IGF1: variants seen among roughly 807,000 people sequenced by gnomAD.
The protein encoded by IGF1 is insulin like growth factor 1.
A neutral mutation model predicts 13.8 loss-of-function variants in IGF1; 4 were observed. The observed-to-expected ratio is 0.29, with a 90% confidence interval of 0.14 to 0.66. The LOEUF (loss-of-function observed/expected upper bound fraction) is 0.66. IGF1 is among the 30% of genes least tolerant of loss of function. The pLI is 0.78. For missense variants in IGF1, 124 were observed against 188.5 expected (o/e 0.66, Z 2.00); for synonymous variants, 76 against 72.6 (o/e 1.05, Z -0.23).
At chr12:102,424,895 A>C (rs1419316206) in intron 2 of IGF1, among the ~76,000 whole-genome samples, 2 of 152,154 alleles carry the variant, frequency 1.3e-5, no homozygotes, top group African/African-American at 4.8e-5. Context: ...TTGCCTTTAA[A>C]TTTTTGTCTA....
chr12:102,425,440 A>G (rs1876116417), intron 2 of IGF1, among the ~76,000 whole-genome samples: 1 of 151,956 alleles, frequency 6.6e-6, no homozygotes, highest in South Asian at 2.1e-4. Context: ...ACCTGCCCCC[A>G]CCCTCACTAC....
chr12:102,418,951 A>G (rs1052475058), intron 3 of IGF1, among the ~76,000 whole-genome samples: 2 of 152,250 alleles, frequency 1.3e-5, no homozygotes, highest in Admixed American at 1.3e-4. Flanking sequence ...AATTTTGAAT[A>G]GTTCCCATTA....
At chr12:102,477,486 A>G (rs1320931171) in intron 1 of IGF1, among the ~76,000 whole-genome samples, 2 of 151,566 alleles carry the variant, frequency 1.3e-5, no homozygotes, top group Non-Finnish European at 2.9e-5. Context: ...CACCCCCTAC[A>G]TAGCCCAAAA....
intron 2 of IGF1, among the ~76,000 whole-genome samples, chr12:102,457,385 A>G (rs1398531456): frequency 6.6e-6 from 1 of 152,224 alleles, no homozygotes; most frequent in Non-Finnish European, 1.5e-5. Context: ...TCATGACTCC[A>G]GGTAGAATTT....
At chr12:102,445,755 A>G (rs187363256) in intron 2 of IGF1, among the ~76,000 whole-genome samples, 2 of 152,272 alleles carry the variant, frequency 1.3e-5, no homozygotes, top group East Asian at 3.9e-4. Flanking sequence ...CCTGGCCAGA[A>G]CTTCCAATGC....
chr12:102,466,970 G>T (rs889928165), intron 2 of IGF1, among the ~76,000 whole-genome samples: 9 of 152,114 alleles, frequency 5.9e-5, no homozygotes, highest in African/African-American at 2.2e-4. Flanking sequence ...TTGGGGATAG[G>T]TTCAGCAAGG....
chr12:102,447,230 G>A (rs1209424168), intron 2 of IGF1, among the ~76,000 whole-genome samples: 2 of 152,190 alleles, frequency 1.3e-5, no homozygotes, highest in Non-Finnish European at 2.9e-5. Flanking sequence ...TTCTGTAGAT[G>A]TCTATCAGGT....
intron 2 of IGF1, among the ~76,000 whole-genome samples, chr12:102,425,223 T>C (rs1207861748): frequency 4.6e-5 from 7 of 152,236 alleles, no homozygotes; most frequent in African/African-American, 2.4e-5. Flanking sequence ...CCAAGTAAGA[T>C]TGACCTTTGG....
chr12:102,448,963 G>A (rs761320362), intron 2 of IGF1, among the ~76,000 whole-genome samples: 1 of 152,202 alleles, frequency 6.6e-6, no homozygotes, highest in Non-Finnish European at 1.5e-5. Context: ...GTGTAAATTA[G>A]TTCAACCATT....
rs1004520744 is a variant in IGF1, at chr12:102,395,922, C to G, written c.*6585G>C. 2 of 151,962 alleles carry G rather than the reference C, an allele frequency of 1.3e-5. No homozygotes were observed. The highest frequency in any genetic ancestry group is 4.8e-5 in the African/African-American group (2 of 41,396). 9.4% of individuals were successfully genotyped at this position (151,962 alleles called of 1,614,324 possible). Reference sequence around the variant, plus strand: ...ATGTAATTACTAAAGAAAGATATACCATTTTATTATGACACTCTAGCCATA... The same window carrying G: ...ATGTAATTACTAAAGAAAGATATACGATTTTATTATGACACTCTAGCCATA... On this transcript the variant is annotated 3_prime_UTR_variant, in exon 4 of 4. Transcript: ENST00000337514.
chr12:102,405,139 G>A lies in IGF1; in HGVS notation c.403-2573C>T, dbSNP rs151306115. ...GTCTCACTCTGTCACCCAGGCTGGA[G>A]TGCAGTGGTGTGATCTAGGCTCACT... On this transcript the variant is annotated intron_variant, in intron 3 of 3. Transcript: ENST00000337514. Among the ~76,000 whole-genome samples the A allele has an allele frequency of 8.5e-3, 1,281 of 151,468 alleles. 19 individuals are homozygous for A. Among genetic ancestry groups the A allele is most frequent in the African/African-American group, 0.029 (1,220 of 41,364 alleles).
chr12:102,405,919 TAGAG>T (rs1398116530), intron 3 of IGF1, among the ~76,000 whole-genome samples: 4 of 152,346 alleles, frequency 2.6e-5, no homozygotes, highest in African/African-American at 9.6e-5. Context: ...TTGTCTCCAA[TAGAG>T]AGATTCTTTT....
rs1283073711 is a variant in IGF1, at chr12:102,396,862, T to A, written c.*5645A>T. ...GACCCCATCAAAGATAGTTGAAGAA[T>A]GAGGAGAGAAGGATCATGTTTAAGA... is the stretch of plus-strand genomic sequence containing the variant. On this transcript the variant is annotated 3_prime_UTR_variant, in exon 4 of 4. Transcript: ENST00000337514. The A allele has an allele frequency of 2.5e-6, 1 of 397,718 alleles. No homozygotes were observed. The highest frequency in any genetic ancestry group is 4.4e-6 in the Non-Finnish European group (1 of 225,866). The allele number at this position is 397,718 out of a possible 1,614,324, so 24.6% of individuals were successfully genotyped here.
chr12:102,474,236 A>G lies in IGF1; in HGVS notation c.220+1407T>C, dbSNP rs149942972. The stretch of plus-strand genomic sequence containing the variant: ...TCTGCTATTGGAAAATCACTCACCC[A>G]ATGCACTCATTCATCTGCTCTGCAA... On this transcript the variant is annotated intron_variant, in intron 2 of 3. Transcript: ENST00000337514. Among the ~76,000 whole-genome samples the G allele has an allele frequency of 1.1e-3, 161 of 152,316 alleles. 1 individual carries two copies. In the East Asian group the frequency reaches 0.029, roughly 28 times the overall value.
At chr12:102,443,852 TCTCA>T (rs1274180539) in intron 2 of IGF1, among the ~76,000 whole-genome samples, 2 of 152,008 alleles carry the variant, frequency 1.3e-5, no homozygotes, top group African/African-American at 4.8e-5. Context: ...TGAGACAGCG[TCTCA>T]CTCTGTCACC....
At position 102,400,556 on chromosome 12, in the gene IGF1, TA is replaced by T. The variant is rs1330224510; in HGVS notation, c.*1950del. Reference sequence around the variant, plus strand: ...AGTCAAGCATATTTTAACAAACTTTTAAAAAAATGTATATACAGCTAAGAAT... The same window carrying T: ...AGTCAAGCATATTTTAACAAACTTTTAAAAAATGTATATACAGCTAAGAAT... On this transcript the variant is annotated 3_prime_UTR_variant, in exon 4 of 4. Transcript: ENST00000337514. The T allele has an allele frequency of 1.3e-5, 2 of 152,248 alleles. No homozygotes were observed. The highest frequency in any genetic ancestry group is 2.4e-5 in the African/African-American group (1 of 41,560). The allele number at this position is 152,248 out of a possible 1,614,324, so 9.4% of individuals were successfully genotyped here.
chr12:102,415,155 T>C (rs1874974613), intron 3 of IGF1, among the ~76,000 whole-genome samples: 1 of 152,170 alleles, frequency 6.6e-6, no homozygotes, highest in Non-Finnish European at 1.5e-5. Context: ...TGTAGGAGAA[T>C]AGGAATCATT....
chr12:102,456,997 A>G (rs960431766), intron 2 of IGF1, among the ~76,000 whole-genome samples: 3 of 152,088 alleles, frequency 2.0e-5, no homozygotes, highest in Non-Finnish European at 4.4e-5. Flanking sequence ...TCCTGGTACT[A>G]AAAAAACTGC....
intron 1 of IGF1, 109 bp downstream of exon 1, chr12:102,480,210 G>C: frequency 9.2e-7 from 1 of 1,081,342 alleles, no homozygotes; most frequent in South Asian, 1.3e-5. Flanking sequence ...ATAACTCTCG[G>C]TTCCGAAACA....
Sources: allele counts gnomAD v4.1 joint callset (sites outside exome capture counted in the v4.1 genomes callset), GRCh38; gene constraint gnomAD v4.1.1; transcripts MANE v1.5; gene names NCBI Gene and HGNC (gene_info 2026-07-23, HGNC 2026-07-21).